The following KHDRBS2 variants were observed in gnomAD, a reference collection of about 807,000 sequenced individuals.
KHDRBS2 encodes the protein KH domain-containing, RNA-binding, signal transduction-associated protein 2.
KHDRBS2 carries 26 observed loss-of-function variants against 44.3 expected under a neutral mutation model. The ratio of observed to expected loss-of-function variants is 0.59; its 90% CI spans 0.43 to 0.81. KHDRBS2 has a LOEUF of 0.81. KHDRBS2 is among the 40% of genes least tolerant of loss of function. The pLI, the probability that KHDRBS2 is intolerant of heterozygous loss-of-function variation, is 0.00. For missense variants in KHDRBS2, 476 were observed against 433.1 expected (o/e 1.10, Z -0.88); for synonymous variants, 194 against 151.1 (o/e 1.28, Z -2.08).
rs557352919 is a variant in KHDRBS2, at chr6:61,734,960, C to T, written c.811-2196G>A. Among the ~76,000 whole-genome samples the T allele has an allele frequency of 2.6e-5, 4 of 152,274 alleles. No homozygotes were observed. In the South Asian group the frequency reaches 8.3e-4, roughly 32 times the overall value. On this transcript the variant is annotated intron_variant, in intron 6 of 8. Transcript: ENST00000281156. Reference sequence around the variant, plus strand: ...GAAGGCCAAGGTGTTTTCCTAAGGCCTCTTTCACCATTGTTGGTAGTGAAT... The same window carrying T: ...GAAGGCCAAGGTGTTTTCCTAAGGCTTCTTTCACCATTGTTGGTAGTGAAT...
At chr6:62,136,969 C>G (rs1811657721) in intron 2 of KHDRBS2, among the ~76,000 whole-genome samples, 1 of 148,272 alleles carries the variant, frequency 6.7e-6, no homozygotes, top group Non-Finnish European at 1.5e-5. Context: ...CCTCCTGTGA[C>G]TGACTTTCAG....
At chr6:61,635,803 C>T in the KHDRBS2 span, among the ~76,000 whole-genome samples, 1 of 151,968 alleles carries the variant, frequency 6.6e-6, no homozygotes, top group Non-Finnish European at 1.5e-5. Context: ...TTCATAGTTT[C>T]TAGGTCACTG....
At chr6:61,885,822 C>G (rs1270235372) in intron 6 of KHDRBS2, among the ~76,000 whole-genome samples, 1 of 152,034 alleles carries the variant, frequency 6.6e-6, no homozygotes, top group Non-Finnish European at 1.5e-5. Flanking sequence ...GAGGGAGCTT[C>G]TTTAGCATCA....
At chr6:62,121,061 C>T (rs183465067) in intron 2 of KHDRBS2, among the ~76,000 whole-genome samples, 11 of 152,210 alleles carry the variant, frequency 7.2e-5, no homozygotes, top group Non-Finnish European at 1.0e-4. Flanking sequence ...AGGTAATTAA[C>T]GGAGTTTTAG....
At chr6:61,545,501 C>CTCTGTGTGTGTGTGTGTGTG in the KHDRBS2 span, among the ~76,000 whole-genome samples, 3 of 148,334 alleles carry the variant, frequency 2.0e-5, no homozygotes, top group Admixed American at 6.8e-5. Flanking sequence ...TAGCTAATCT[C>CTCTGTGTGTGTGTGTGTGTG]TGTGTGTGTG....
intron 2 of KHDRBS2, among the ~76,000 whole-genome samples, chr6:62,162,079 G>A (rs892932680): frequency 2.0e-5 from 3 of 151,934 alleles, no homozygotes; most frequent in African/African-American, 7.2e-5. Context: ...AATGTTATTA[G>A]TCTCTCAAAT....
At chr6:61,814,269 A>C (rs2127240190) in intron 6 of KHDRBS2, among the ~76,000 whole-genome samples, 1 of 152,304 alleles carries the variant, frequency 6.6e-6, no homozygotes, top group South Asian at 2.1e-4. Context: ...TATGACTGAA[A>C]TTAAAATAAA....
chr6:61,811,844 C>G (rs1478552484), intron 6 of KHDRBS2, among the ~76,000 whole-genome samples: 1 of 151,956 alleles, frequency 6.6e-6, no homozygotes, highest in Non-Finnish European at 1.5e-5. Flanking sequence ...TATAGTCAGC[C>G]CACGATAAAA....
the KHDRBS2 span, among the ~76,000 whole-genome samples, chr6:61,609,306 C>T: frequency 4.6e-5 from 7 of 152,206 alleles, no homozygotes; most frequent in South Asian, 2.1e-4. Flanking sequence ...TGCAGTGAGC[C>T]GAGATTGCGC....
At chr6:61,849,324 A>G (rs2127282050) in intron 6 of KHDRBS2, among the ~76,000 whole-genome samples, 1 of 152,232 alleles carries the variant, frequency 6.6e-6, no homozygotes, top group African/African-American at 2.4e-5. Context: ...TTTGTCTGAG[A>G]GTAATGATTT....
At chr6:61,861,688 C>T (rs560182756) in intron 6 of KHDRBS2, among the ~76,000 whole-genome samples, 1 of 150,832 alleles carries the variant, frequency 6.6e-6, no homozygotes, top group African/African-American at 2.4e-5. Flanking sequence ...ATTGCCTTGG[C>T]TATTCAGGCT....
At chr6:62,099,858 G>T (rs1484490208) in intron 2 of KHDRBS2, among the ~76,000 whole-genome samples, 1 of 152,160 alleles carries the variant, frequency 6.6e-6, no homozygotes, top group Non-Finnish European at 1.5e-5. Context: ...GGATATTAAT[G>T]TTGTTGTAAT....
intron 5 of KHDRBS2, among the ~76,000 whole-genome samples, chr6:61,895,738 T>C (rs1802816278): frequency 1.3e-5 from 2 of 152,108 alleles, no homozygotes; most frequent in Non-Finnish European, 2.9e-5. Flanking sequence ...GGCCTCTAGA[T>C]AGCACTGCTT....
the KHDRBS2 span, among the ~76,000 whole-genome samples, chr6:61,654,019 G>T: frequency 6.6e-6 from 1 of 151,812 alleles, no homozygotes; most frequent in Admixed American, 6.6e-5. Flanking sequence ...AAGATACTAC[G>T]TTGCTTTGTG....
rs1485675867 is a variant in KHDRBS2, at chr6:62,174,350, G to GA, written c.219+2834dup. Among the ~76,000 whole-genome samples the GA allele has an allele frequency of 4.6e-5, 7 of 151,292 alleles. No individual in the cohort carries two copies. The East Asian group carries it at 9.7e-4, about 21-fold the overall frequency. On this transcript the variant is annotated intron_variant, in intron 2 of 8. Transcript: ENST00000281156. The stretch of plus-strand genomic sequence containing the variant: ...TAGAAATACAGTTAAACAAAAAGGT[G>GA]AAAGATCTCTATAATGAGAATTATA...
At chr6:61,638,842 ATCTT>A in the KHDRBS2 span, among the ~76,000 whole-genome samples, 2 of 152,136 alleles carry the variant, frequency 1.3e-5, no homozygotes, top group Non-Finnish European at 2.9e-5. Flanking sequence ...TAATGTATCT[ATCTT>A]TAATAGAGTT....
At chr6:61,916,752 G>C (rs936171564) in intron 4 of KHDRBS2, among the ~76,000 whole-genome samples, 1 of 151,850 alleles carries the variant, frequency 6.6e-6, no homozygotes, top group Non-Finnish European at 1.5e-5. Context: ...ATGTACAGAC[G>C]TACAGAATTT....
chr6:61,567,228 A>T, the KHDRBS2 span, among the ~76,000 whole-genome samples: 158 of 152,328 alleles, frequency 1.0e-3, no homozygotes, highest in South Asian at 3.1e-3. Flanking sequence ...AAGGGGGAAA[A>T]AAAAGAATTT....
rs988355203 is a variant in KHDRBS2 at position 62,215,513 on chromosome 6, T to A, written c.92-38201A>T. ...TTAAGTCATTGGAGGATCTTTCACATGAAAAGAAATAGGAGACATTGTGAA... is the reference window on the plus strand; with the variant it reads ...TTAAGTCATTGGAGGATCTTTCACAAGAAAAGAAATAGGAGACATTGTGAA... On this transcript the variant is annotated intron_variant, in intron 1 of 8. Transcript: ENST00000281156. Among the ~76,000 whole-genome samples the A allele has an allele frequency of 7.3e-5, 11 of 151,620 alleles. 2 individuals are homozygous for A. Among genetic ancestry groups the A allele is most frequent in the Non-Finnish European group, 1.3e-4 (9 of 67,798 alleles).
Sources: allele counts gnomAD v4.1 joint callset (sites outside exome capture counted in the v4.1 genomes callset), GRCh38; gene constraint gnomAD v4.1.1; transcripts MANE v1.5; gene names NCBI Gene and HGNC (gene_info 2026-07-23, HGNC 2026-07-21).